Variants in MAP4K4 observed in about 807,000 individuals in gnomAD.
The protein encoded by MAP4K4 is mitogen-activated protein kinase kinase kinase kinase 4.
A neutral mutation model predicts 189.6 loss-of-function variants in MAP4K4; 38 were observed. That is an observed-to-expected ratio of 0.20 (90% CI 0.15 to 0.26). The LOEUF (loss-of-function observed/expected upper bound fraction) is 0.26. Ranked by LOEUF, MAP4K4 falls within the 10% of genes least tolerant of loss-of-function variation. The pLI is 1.00. For synonymous variants in MAP4K4, 610 were observed against 624.3 expected (o/e 0.98, Z 0.34); for missense variants, 1,054 against 1,726.9 (o/e 0.61, Z 6.91).
chr2:101,709,454 C>T (rs541913779), intron 2 of MAP4K4, among the ~76,000 whole-genome samples: 1 of 152,316 alleles, frequency 6.6e-6, no homozygotes, highest in South Asian at 2.1e-4. Flanking sequence ...CTGCCCGCCT[C>T]GGCCTCCCAA....
intron 26 of MAP4K4, 59 bp downstream of exon 26, chr2:101,874,311 T>C: frequency 6.8e-7 from 1 of 1,462,184 alleles, no homozygotes; most frequent in Non-Finnish European, 9.3e-7. Flanking sequence ...TGGCTGGTCT[T>C]CTAGAGAAGT....
chr2:101,768,450 CG>C (rs1194944587), intron 2 of MAP4K4, among the ~76,000 whole-genome samples: 1 of 152,194 alleles, frequency 6.6e-6, no homozygotes, highest in Non-Finnish European at 1.5e-5. Flanking sequence ...CTGTCGTCAG[CG>C]TTGATTAAGG....
chr2:101,769,039 T>C (rs899304160), intron 2 of MAP4K4, among the ~76,000 whole-genome samples: 2 of 152,246 alleles, frequency 1.3e-5, no homozygotes, highest in African/African-American at 4.8e-5. Flanking sequence ...TTGTGACTTT[T>C]AGATGAGAAA....
chr2:101,848,179 G>A (rs2097169677), intron 12 of MAP4K4, among the ~76,000 whole-genome samples: 1 of 152,222 alleles, frequency 6.6e-6, no homozygotes. Flanking sequence ...AGCAACACAT[G>A]ACTGTACTTT....
intron 3 of MAP4K4, among the ~76,000 whole-genome samples, chr2:101,807,949 C>A (rs1296302944): frequency 1.3e-5 from 2 of 152,230 alleles, no homozygotes; most frequent in African/African-American, 4.8e-5. Flanking sequence ...CTAGTTACCT[C>A]CAGGCCCTAC....
intron 3 of MAP4K4, among the ~76,000 whole-genome samples, chr2:101,802,382 C>T (rs576203313): frequency 3.3e-5 from 5 of 152,308 alleles, no homozygotes; most frequent in Admixed American, 2.6e-4. Context: ...GCTTTCTTAG[C>T]TCAGAGTAAA....
chr2:101,710,814 C>T (rs912133857), intron 2 of MAP4K4, among the ~76,000 whole-genome samples: 4 of 152,138 alleles, frequency 2.6e-5, no homozygotes, highest in Non-Finnish European at 5.9e-5. Flanking sequence ...AGTTAAAACC[C>T]ACTGAGCTGA....
At chr2:101,881,879 C>G (rs2098401810) in intron 27 of MAP4K4, among the ~76,000 whole-genome samples, 1 of 152,116 alleles carries the variant, frequency 6.6e-6, no homozygotes, top group Non-Finnish European at 1.5e-5. Context: ...CTCTTTGTTC[C>G]TTTAGATGAC....
At chr2:101,789,988 T>C (rs550729319) in intron 2 of MAP4K4, among the ~76,000 whole-genome samples, 9 of 152,296 alleles carry the variant, frequency 5.9e-5, no homozygotes, top group South Asian at 2.1e-4. Flanking sequence ...CCGACTTCTT[T>C]ATACACTTAA....
At chr2:101,809,951 A>G (rs1435950388) in intron 3 of MAP4K4, among the ~76,000 whole-genome samples, 1 of 152,266 alleles carries the variant, frequency 6.6e-6, no homozygotes, top group African/African-American at 2.4e-5. Context: ...ACTTGACATG[A>G]ACACATAAGT....
chr2:101,737,822 CCT>C (rs1558655672), intron 2 of MAP4K4, among the ~76,000 whole-genome samples: 1 of 152,072 alleles, frequency 6.6e-6, no homozygotes, highest in Non-Finnish European at 1.5e-5. Flanking sequence ...CTCTCTCCCC[CCT>C]CTTTCTCCCT....
rs369383961 is a variant in MAP4K4 at position 101,884,288 on chromosome 2, T to C, written c.3521-899T>C. Among the ~76,000 whole-genome samples the C allele has an allele frequency of 5.9e-5, 9 of 152,204 alleles. No homozygotes were observed. The East Asian group carries it at 9.6e-4, about 16-fold the overall frequency. On this transcript the variant is annotated intron_variant, in intron 28 of 32. Coordinates refer to ENST00000324219, the Ensembl canonical transcript of MAP4K4. ...CAATGGCACTAGTACATTCTAAGTG[T>C]GCAATAGCCCCATGTGTGTGGTGGT...
At chr2:101,767,899 C>A (rs1252334627) in intron 2 of MAP4K4, among the ~76,000 whole-genome samples, 1 of 151,870 alleles carries the variant, frequency 6.6e-6, no homozygotes, top group Non-Finnish European at 1.5e-5. Context: ...TCTCCCCTCA[C>A]CCCCCCTTAC....
intron 2 of MAP4K4, among the ~76,000 whole-genome samples, chr2:101,718,395 A>G (rs1396466544): frequency 2.0e-5 from 3 of 152,278 alleles, no homozygotes; most frequent in African/African-American, 7.2e-5. Flanking sequence ...CTAGGAAGCA[A>G]TTGGAGAAAC....
intron 31 of MAP4K4, 98 bp downstream of exon 31, chr2:101,888,035 T>TTTGACTACC: frequency 9.0e-7 from 1 of 1,113,244 alleles, no homozygotes; most frequent in Non-Finnish European, 1.3e-6. Flanking sequence ...CTTCAGACCT[T>TTTGACTACC]TTGACTACCA....
intron 8 of MAP4K4, 134 bp from the exon 9 acceptor site, chr2:101,835,753 TTCATAACTAGATG>T (rs950866776): frequency 7.6e-6 from 4 of 524,516 alleles, no homozygotes; most frequent in African/African-American, 7.6e-5. Flanking sequence ...TGCCCTGGAG[TTCATAACTAGATG>T]TCTAGACTGC....
chr2:101,850,996 TGTTA>T (rs1344225485), intron 12 of MAP4K4, among the ~76,000 whole-genome samples: 3 of 152,108 alleles, frequency 2.0e-5, no homozygotes, highest in Non-Finnish European at 2.9e-5. Flanking sequence ...TATCAAAATA[TGTTA>T]GTTTCCACTG....
At chr2:101,866,533 T>A (rs565685174) in exon 19 of MAP4K4, 1 of 1,613,742 alleles carries the variant, frequency 6.2e-7, no homozygotes, top group East Asian at 2.2e-5. Context: ...AGCCCGGGTC[T>A]CACCCTGGGT....
intron 3 of MAP4K4, among the ~76,000 whole-genome samples, chr2:101,804,120 C>G (rs1037260328): frequency 6.6e-6 from 1 of 152,152 alleles, no homozygotes; most frequent in African/African-American, 2.4e-5. Flanking sequence ...TTCTATTGTT[C>G]CACGTTAGCC....
Sources: gnomAD v4.1 joint callset for allele counts (sites outside exome capture counted in the v4.1 genomes callset) on GRCh38, gnomAD v4.1.1 for gene constraint, MANE v1.5 for transcripts, NCBI Gene and HGNC (gene_info 2026-07-23, HGNC 2026-07-21) for gene names.